SRPK2: variants seen among roughly 807,000 people sequenced by gnomAD.
SRPK2 encodes SFRS protein kinase 2.
In SRPK2, 21 loss-of-function variants were observed where a neutral mutation model predicts 90.8. The observed-to-expected ratio is 0.23, with a 90% confidence interval of 0.16 to 0.33. The LOEUF (loss-of-function observed/expected upper bound fraction) is 0.33. Ranked by LOEUF, SRPK2 falls within the 10% of genes least tolerant of loss-of-function variation. The pLI, the probability that SRPK2 is intolerant of heterozygous loss-of-function variation, is 1.00. For synonymous variants in SRPK2, 288 were observed against 311.1 expected (o/e 0.93, Z 0.78); for missense variants, 620 against 869.0 (o/e 0.71, Z 3.60).
chr7:105,303,273 T>C (rs1810779467), intron 2 of SRPK2, among the ~76,000 whole-genome samples: 1 of 151,870 alleles, frequency 6.6e-6, no homozygotes, highest in Non-Finnish European at 1.5e-5. Flanking sequence ...ATGAGAACAC[T>C]TGGACACAGG....
At chr7:105,382,049 T>C (rs959663822) in intron 2 of SRPK2, among the ~76,000 whole-genome samples, 6 of 152,006 alleles carry the variant, frequency 3.9e-5, no homozygotes, top group Non-Finnish European at 8.8e-5. Context: ...ATGCCTGTAG[T>C]CCCAGCTACT....
chr7:105,346,922 G>A (rs944733919), intron 2 of SRPK2, among the ~76,000 whole-genome samples: 6 of 151,032 alleles, frequency 4.0e-5, no homozygotes, highest in South Asian at 2.1e-4. Flanking sequence ...CTTGGGTATC[G>A]GTTTTCTGGG....
chr7:105,353,634 G>GGGA (rs1420475365), intron 2 of SRPK2, among the ~76,000 whole-genome samples: 1 of 151,968 alleles, frequency 6.6e-6, no homozygotes, highest in Non-Finnish European at 1.5e-5. Context: ...CCAAAGTGAT[G>GGGA]GGATTACAGA....
chr7:105,162,295 G>A (rs1381061353), intron 6 of SRPK2, among the ~76,000 whole-genome samples: 2 of 152,128 alleles, frequency 1.3e-5, no homozygotes, highest in Non-Finnish European at 2.9e-5. Flanking sequence ...ACACACCTTG[G>A]TCTCCCAAAG....
intron 2 of SRPK2, among the ~76,000 whole-genome samples, chr7:105,375,066 G>T (rs1820131565): frequency 1.3e-5 from 2 of 152,156 alleles, no homozygotes; most frequent in Non-Finnish European, 2.9e-5. Context: ...TGCATATCAT[G>T]CTGGCTGGTG....
intron 2 of SRPK2, among the ~76,000 whole-genome samples, chr7:105,284,675 AATT>A (rs2130885353): frequency 6.6e-6 from 1 of 152,318 alleles, no homozygotes; most frequent in South Asian, 2.1e-4. Flanking sequence ...GAGCTTTGCC[AATT>A]ATCACTTCTC....
intron 3 of SRPK2, among the ~76,000 whole-genome samples, chr7:105,198,896 G>A (rs1256095169): frequency 6.6e-6 from 1 of 152,142 alleles, no homozygotes; most frequent in East Asian, 1.9e-4. Flanking sequence ...TTGAACCAAG[G>A]CTCAGGAATC....
intron 11 of SRPK2, among the ~76,000 whole-genome samples, chr7:105,137,601 T>C (rs921310739): frequency 6.6e-6 from 1 of 152,140 alleles, no homozygotes; most frequent in Non-Finnish European, 1.5e-5. Context: ...TCCAGGGCCT[T>C]TGTCCTTCAG....
chr7:105,187,821 T>TA (rs1034291063), intron 3 of SRPK2, among the ~76,000 whole-genome samples: 25 of 152,026 alleles, frequency 1.6e-4, no homozygotes, highest in South Asian at 6.2e-4. Context: ...AAAGGTTTTT[T>TA]AAAAAAATAG....
intron 2 of SRPK2, among the ~76,000 whole-genome samples, chr7:105,367,946 A>C (rs1019119581): frequency 6.6e-6 from 1 of 152,210 alleles, no homozygotes; most frequent in Admixed American, 6.6e-5. Flanking sequence ...CAGGACAAAC[A>C]CATGTTGTTG....
chr7:105,274,755 C>T (rs1479058903), intron 2 of SRPK2, among the ~76,000 whole-genome samples: 1 of 152,082 alleles, frequency 6.6e-6, no homozygotes, highest in Non-Finnish European at 1.5e-5. Flanking sequence ...TTTTCTTACA[C>T]ACTGTTACAT....
intron 2 of SRPK2, chr7:105,298,713 C>T: frequency 1.0e-6 from 1 of 985,438 alleles, no homozygotes; most frequent in Non-Finnish European, 1.2e-6. Context: ...AGTTCATCCC[C>T]ATCCCTCCTC....
At chr7:105,371,594 A>G (rs538224411) in intron 2 of SRPK2, among the ~76,000 whole-genome samples, 3,536 of 150,952 alleles carry the variant, frequency 0.023, 68 homozygotes, top group Non-Finnish European at 0.032. Context: ...TACAAAAAAA[A>G]AAAAAAAAAA....
At chr7:105,250,635 GA>G (rs1006490266) in intron 2 of SRPK2, among the ~76,000 whole-genome samples, 1 of 152,108 alleles carries the variant, frequency 6.6e-6, no homozygotes, top group African/African-American at 2.4e-5. Context: ...CTTGTTCTTA[GA>G]AAAAGTTAAC....
At chr7:105,214,202 G>A (rs1423666532) in intron 2 of SRPK2, among the ~76,000 whole-genome samples, 2 of 152,178 alleles carry the variant, frequency 1.3e-5, no homozygotes, top group African/African-American at 4.8e-5. Context: ...GCAGGCTCTA[G>A]ATGCTGTAGC....
chr7:105,142,847 G>A (rs1803991448), intron 10 of SRPK2, among the ~76,000 whole-genome samples: 1 of 152,162 alleles, frequency 6.6e-6, no homozygotes, highest in South Asian at 2.1e-4. Context: ...ATAGAAACAT[G>A]GAATTTCTCA....
At chr7:105,382,493 G>A (rs899579672) in intron 2 of SRPK2, among the ~76,000 whole-genome samples, 6 of 146,834 alleles carry the variant, frequency 4.1e-5, no homozygotes, top group Non-Finnish European at 6.0e-5. Flanking sequence ...CGGAGGTTAC[G>A]GTGAGCCAAG....
At position 105,266,373 on chromosome 7, in the gene SRPK2, CA is replaced by C. The variant is rs888243627; in HGVS notation, c.72-62589del. Among the ~76,000 whole-genome samples, 43 of 152,178 alleles carry C rather than the reference CA, an allele frequency of 2.8e-4. No individual in the cohort carries two copies. The East Asian group carries it at 7.7e-3, about 27-fold the overall frequency. The stretch of plus-strand genomic sequence containing the variant: ...GAAAAATTACTAGAAATAATCACAT[CA>C]GGGTTTTTGTATTTATATTTTGTAT... On this transcript the variant is annotated intron_variant, in intron 2 of 15. Coordinates refer to ENST00000393651, the MANE Select transcript of SRPK2 (RefSeq NM_182692.3).
rs763711867 is a variant in SRPK2, at chr7:105,117,686, G to A, written c.*152C>T. 3.1e-5 allele frequency: 25 copies of A among 816,722 alleles called. No homozygotes were observed. Among genetic ancestry groups the A allele is most frequent in the Non-Finnish European group, 4.5e-5 (24 of 528,570 alleles). 50.6% of individuals were successfully genotyped at this position (816,722 alleles called of 1,614,324 possible). On this transcript the variant is annotated 3_prime_UTR_variant, in exon 16 of 16. Transcript: ENST00000393651. Reference sequence around the variant, plus strand: ...TCCCCAGGATCACAGTGCACAAAAAGCAAAATGTCAAACAACAGTACCTCA... The same window carrying A: ...TCCCCAGGATCACAGTGCACAAAAAACAAAATGTCAAACAACAGTACCTCA...
Sources: allele counts gnomAD v4.1 joint callset (sites outside exome capture counted in the v4.1 genomes callset), GRCh38; gene constraint gnomAD v4.1.1; transcripts MANE v1.5; gene names NCBI Gene and HGNC (gene_info 2026-07-23, HGNC 2026-07-21).